PFKFB3: variants seen among roughly 807,000 people sequenced by gnomAD.
The protein encoded by PFKFB3 is 6-phosphofructo-2-kinase/fructose-2,6-bisphosphatase 3.
A neutral mutation model predicts 68.0 loss-of-function variants in PFKFB3; 33 were observed. The ratio of observed to expected loss-of-function variants is 0.49; its 90% CI spans 0.37 to 0.65. The LOEUF (loss-of-function observed/expected upper bound fraction) is 0.65. PFKFB3 is among the 30% of genes least tolerant of loss of function. The pLI, the probability that PFKFB3 is intolerant of heterozygous loss-of-function variation, is 0.00. For missense variants in PFKFB3, 586 were observed against 712.2 expected, an observed-to-expected ratio of 0.82 and a Z score of 2.02; for synonymous variants, 315 against 288.2, an observed-to-expected ratio of 1.09 and a Z score of -0.94.
intron 13 of PFKFB3, among the ~76,000 whole-genome samples, chr10:6,225,983 G>A (rs563946345): frequency 6.6e-6 from 1 of 152,190 alleles, no homozygotes; most frequent in Non-Finnish European, 1.5e-5. Context: ...GAGGAAGGGG[G>A]CATGGGAGGG....
At chr10:6,267,361 G>A in the PFKFB3 span, among the ~76,000 whole-genome samples, 3 of 152,368 alleles carry the variant, frequency 2.0e-5, no homozygotes, top group South Asian at 2.1e-4. Flanking sequence ...AAAGGAGAAG[G>A]AACTGTGGGT....
At chr10:6,267,238 A>G in the PFKFB3 span, among the ~76,000 whole-genome samples, 1 of 152,248 alleles carries the variant, frequency 6.6e-6, no homozygotes, top group South Asian at 2.1e-4. Flanking sequence ...TATGAGAACA[A>G]TGGAGATATT....
chr10:6,183,393 G>A (rs1842773242), intron 1 of PFKFB3, among the ~76,000 whole-genome samples: 1 of 151,962 alleles, frequency 6.6e-6, no homozygotes, highest in African/African-American at 2.4e-5. Flanking sequence ...CTGTGCACCT[G>A]TCTCATTTCC....
the PFKFB3 span, among the ~76,000 whole-genome samples, chr10:6,264,805 T>A: frequency 2.6e-5 from 4 of 152,296 alleles, no homozygotes; most frequent in East Asian, 7.7e-4. Flanking sequence ...ATTGCATAAA[T>A]CAGGCTCCTT....
intron 1 of PFKFB3, 91 bp downstream of exon 1, chr10:6,203,427 G>A (rs1037331001): frequency 8.0e-6 from 7 of 879,762 alleles, no homozygotes; most frequent in Non-Finnish European, 1.1e-5. Flanking sequence ...GCCCCTCTGC[G>A]GGGGGCGCGC....
At chr10:6,266,284 C>T in the PFKFB3 span, among the ~76,000 whole-genome samples, 3 of 152,172 alleles carry the variant, frequency 2.0e-5, no homozygotes, top group Non-Finnish European at 4.4e-5. Flanking sequence ...TTTATTTTGA[C>T]ACTCAAATTG....
chr10:6,245,487 G>A (rs953322789), intron 14 of PFKFB3, among the ~76,000 whole-genome samples: 10 of 151,818 alleles, frequency 6.6e-5, no homozygotes, highest in African/African-American at 2.4e-4. Flanking sequence ...TGCGATCAGG[G>A]CTCACTGCAG....
At chr10:6,293,846 G>T in the PFKFB3 span, 3 of 396,296 alleles carry the variant, frequency 7.6e-6, no homozygotes, top group South Asian at 6.8e-5. Context: ...CCAAATCTCA[G>T]ACCAACCAAT....
chr10:6,190,920 A>G (rs1288322106), intron 1 of PFKFB3, among the ~76,000 whole-genome samples: 3 of 152,186 alleles, frequency 2.0e-5, no homozygotes, highest in Non-Finnish European at 4.4e-5. Context: ...CTGGGATTAT[A>G]GGCGTCTGCC....
the PFKFB3 span, among the ~76,000 whole-genome samples, chr10:6,272,719 C>T: frequency 6.6e-6 from 1 of 151,950 alleles, no homozygotes. Flanking sequence ...AGAAATAGGT[C>T]GACCTGGGCC....
intron 14 of PFKFB3, among the ~76,000 whole-genome samples, chr10:6,232,671 C>A (rs1449852170): frequency 6.6e-6 from 1 of 151,830 alleles, no homozygotes. Context: ...GCCTGGTGCC[C>A]AGCCCCTTCT....
intron 14 of PFKFB3, among the ~76,000 whole-genome samples, chr10:6,230,560 A>G (rs11817400): frequency 1.0e-3 from 153 of 152,168 alleles, no homozygotes; most frequent in African/African-American, 3.4e-3. Context: ...TCAGGGAGGA[A>G]CTTGGTGCCC....
At chr10:6,255,659 A>G (rs938047328), downstream of PFKFB3, among the ~76,000 whole-genome samples, 21 of 152,130 alleles carry the variant, frequency 1.4e-4, no homozygotes, top group Admixed American at 1.3e-3. Flanking sequence ...AGTTGATGGG[A>G]CAGAGTTTGC....
chr10:6,168,141 G>GCCTGCCCCACTCTCCAAC (rs1842196496), intron 1 of PFKFB3, among the ~76,000 whole-genome samples: 1 of 152,184 alleles, frequency 6.6e-6, no homozygotes, highest in Admixed American at 6.5e-5. Flanking sequence ...TCCAACCCCA[G>GCCTGCCCCACTCTCCAAC]CATTTTCATA....
At chr10:6,200,683 T>TGGGGGGGGG (rs1564613510), upstream of PFKFB3, among the ~76,000 whole-genome samples, 1 of 9,644 alleles carries the variant, frequency 1.0e-4, no homozygotes, top group Non-Finnish European at 2.4e-4. Flanking sequence ...GGGCGGGGGG[T>TGGGGGGGGG]GGTGGTGGGG....
chr10:6,325,896 C>T, the PFKFB3 span, among the ~76,000 whole-genome samples: 22 of 152,188 alleles, frequency 1.4e-4, no homozygotes, highest in African/African-American at 4.6e-4. Flanking sequence ...TGTATAGTTC[C>T]TTCCTCATGC....
chr10:6,267,042 A>C, the PFKFB3 span, among the ~76,000 whole-genome samples: 1 of 152,250 alleles, frequency 6.6e-6, no homozygotes, highest in Non-Finnish European at 1.5e-5. Context: ...GTTGTTTTTT[A>C]AAATTTGCTA....
At chr10:6,226,510 A>G (rs1845369222) in intron 14 of PFKFB3, 145 bp downstream of exon 14, 1 of 713,992 alleles carries the variant, frequency 1.4e-6, no homozygotes, top group African/African-American at 1.8e-5. Flanking sequence ...GTGTCTGTGC[A>G]CGTGTGTTGT....
intron 1 of PFKFB3, among the ~76,000 whole-genome samples, chr10:6,162,384 T>C (rs1841997048): frequency 6.6e-6 from 1 of 152,238 alleles, no homozygotes; most frequent in Non-Finnish European, 1.5e-5. Flanking sequence ...TTTCAATTCT[T>C]TGGGGTGTGT....
Sources: gnomAD v4.1 joint callset for allele counts (sites outside exome capture counted in the v4.1 genomes callset) on GRCh38, gnomAD v4.1.1 for gene constraint, MANE v1.5 for transcripts, NCBI Gene and HGNC (gene_info 2026-07-23, HGNC 2026-07-21) for gene names.